The following NBEA variants were observed in gnomAD, a reference collection of about 807,000 sequenced individuals.
NBEA encodes the protein lysosomal-trafficking regulator 2.
In NBEA, 44 loss-of-function variants were observed where a neutral mutation model predicts 343.4. The ratio of observed to expected loss-of-function variants is 0.13; its 90% CI spans 0.10 to 0.16. The LOEUF is 0.16. NBEA is among the 10% of genes least tolerant of loss of function. The pLI is 1.00. For synonymous variants in NBEA, 1,175 were observed against 1,238.7 expected (o/e 0.95, Z 1.08); for missense variants, 2,555 against 3,631.3 (o/e 0.70, Z 7.62).
intron 38 of NBEA, among the ~76,000 whole-genome samples, chr13:35,408,847 C>A (rs987592658): frequency 6.6e-6 from 1 of 152,080 alleles, no homozygotes; most frequent in Non-Finnish European, 1.5e-5. Context: ...AAGTCAAAAA[C>A]AACAGATGCT....
At chr13:35,396,598 G>A (rs969141443) in intron 38 of NBEA, among the ~76,000 whole-genome samples, 26 of 152,000 alleles carry the variant, frequency 1.7e-4, no homozygotes, top group Non-Finnish European at 4.4e-5. Context: ...GTCACCTTGC[G>A]CCATTGCTAG....
chr13:35,182,554 A>C (rs760156091), intron 29 of NBEA, 26 bp downstream of exon 29: 1 of 1,576,492 alleles, frequency 6.3e-7, no homozygotes, highest in South Asian at 1.2e-5. Context: ...TAATTATTTG[A>C]ATTTTCACCA....
intron 31 of NBEA, among the ~76,000 whole-genome samples, chr13:35,204,656 A>T (rs1228786479): frequency 6.6e-6 from 1 of 152,088 alleles, no homozygotes; most frequent in East Asian, 1.9e-4. Context: ...CCACTGGAGT[A>T]GAGGATTCAA....
At chr13:35,186,433 T>A (rs1315864748) in intron 30 of NBEA, 1 of 152,194 alleles carries the variant, frequency 6.6e-6, no homozygotes, top group East Asian at 1.9e-4. Context: ...AATAGAAGAT[T>A]CACAGGTAGC....
chr13:35,005,099 C>T (rs1003252493), intron 1 of NBEA, among the ~76,000 whole-genome samples: 4 of 152,124 alleles, frequency 2.6e-5, no homozygotes, highest in Admixed American at 1.3e-4. Context: ...TTTGGGCAGA[C>T]GATTTCCCAT....
intron 13 of NBEA, among the ~76,000 whole-genome samples, chr13:35,111,713 T>C (rs1446455399): frequency 6.6e-6 from 1 of 152,106 alleles, no homozygotes; most frequent in African/African-American, 2.4e-5. Flanking sequence ...CATTTATATA[T>C]GTGTTTACCT....
intron 40 of NBEA, among the ~76,000 whole-genome samples, chr13:35,452,825 C>G (rs1016715396): frequency 6.6e-6 from 1 of 152,172 alleles, no homozygotes; most frequent in African/African-American, 2.4e-5. Flanking sequence ...AGTGTATTCA[C>G]CCACAACCTT....
chr13:34,987,957 A>T (rs1239248080), intron 1 of NBEA, among the ~76,000 whole-genome samples: 1 of 150,496 alleles, frequency 6.6e-6, no homozygotes, highest in Non-Finnish European at 1.5e-5. Context: ...TTTAGCTCGG[A>T]GATGTTTGTT....
chr13:35,547,442 T>C (rs544595224), intron 41 of NBEA, among the ~76,000 whole-genome samples: 18 of 152,296 alleles, frequency 1.2e-4, no homozygotes, highest in Middle Eastern at 3.4e-3. Context: ...AGAATGGTGA[T>C]AGGAAAACTG....
chr13:35,668,460 G>C lies in NBEA; in HGVS notation c.8754G>C (p.Leu2918=). 1 of 1,613,308 alleles carries C rather than the reference G, an allele frequency of 6.2e-7. No homozygotes were observed. The highest frequency in any genetic ancestry group is 8.5e-7 in the Non-Finnish European group (1 of 1,179,638). Residue 2918 remains leucine (L), a synonymous_variant, in exon 58 of 59, where the codon CTG becomes CTC. Transcript: ENST00000379939. ...GGCAGGCCTGTGACTTCAAGCAACT[G>C]TACATTTACCCTGGATGTGATGCTG... The part of the protein sequence containing the change: ...EVWQACDFKQ[L]YIYPGCDAGI...
chr13:35,632,807 T>G (rs1377794396), intron 49 of NBEA, among the ~76,000 whole-genome samples: 2 of 152,050 alleles, frequency 1.3e-5, no homozygotes, highest in Admixed American at 6.5e-5. Flanking sequence ...TTGGCCAGGA[T>G]GGTCTTGAAC....
rs946577768 is a variant in NBEA, at chr13:35,144,473, T to C, written c.2445+2096T>C. ...CTGGGTGCAGTTAGCCTTAGCTATC[T>C]TGGCTCTCATCCTGGCTTTTCAGGG... is the stretch of plus-strand genomic sequence containing the variant. On this transcript the variant is annotated intron_variant, in intron 18 of 58. Coordinates refer to ENST00000379939, the MANE Select transcript of NBEA (RefSeq NM_001385012.1). Among the ~76,000 whole-genome samples the C allele has an allele frequency of 6.6e-5, 10 of 152,216 alleles. No individual in the cohort carries two copies. In the South Asian group the frequency reaches 1.9e-3, roughly 28 times the overall value.
At chr13:35,205,121 G>A (rs2152748277) in intron 31 of NBEA, among the ~76,000 whole-genome samples, 1 of 152,290 alleles carries the variant, frequency 6.6e-6, no homozygotes, top group Non-Finnish European at 1.5e-5. Flanking sequence ...GAGATAAAAG[G>A]GAAGGGGTAA....
intron 41 of NBEA, among the ~76,000 whole-genome samples, chr13:35,503,373 A>G (rs2076960669): frequency 6.6e-6 from 1 of 151,942 alleles, no homozygotes; most frequent in African/African-American, 2.4e-5. Context: ...TATAGATCAT[A>G]GTATAAAGAT....
chr13:34,974,876 A>G (rs1038739249), intron 1 of NBEA, among the ~76,000 whole-genome samples: 2 of 152,156 alleles, frequency 1.3e-5, no homozygotes, highest in Admixed American at 1.3e-4. Context: ...TTCAATTGAA[A>G]TGTTTTTACT....
chr13:34,959,846 AAAC>A (rs1706989094), intron 1 of NBEA, among the ~76,000 whole-genome samples: 1 of 152,274 alleles, frequency 6.6e-6, no homozygotes, highest in African/African-American at 2.4e-5. Flanking sequence ...ATGGTGGTGT[AAAC>A]AAACCTATTG....
chr13:35,244,136 T>C lies in NBEA; in HGVS notation c.5776+11517T>C, dbSNP rs1593905308. On this transcript the variant is annotated intron_variant, in intron 34 of 58. Transcript: ENST00000379939. ...ACTAGAAATAAAAACTAGAAGGAAA[T>C]GTAGAAACTCCATAAACACTTAAAA... Among the ~76,000 whole-genome samples, 8 of 151,882 alleles carry C rather than the reference T, an allele frequency of 5.3e-5. No individual in the cohort carries two copies. The South Asian group carries it at 1.7e-3, about 32-fold the overall frequency.
intron 33 of NBEA, among the ~76,000 whole-genome samples, chr13:35,211,636 G>A (rs1422234664): frequency 6.6e-6 from 1 of 152,002 alleles, no homozygotes; most frequent in Non-Finnish European, 1.5e-5. Context: ...AAAACATGGT[G>A]AAACCTTGTC....
At chr13:35,194,871 T>A (rs912599956) in intron 30 of NBEA, among the ~76,000 whole-genome samples, 11 of 152,118 alleles carry the variant, frequency 7.2e-5, no homozygotes, top group African/African-American at 2.4e-4. Flanking sequence ...TGTAGTTATA[T>A]GCACATATAT....
Sources: allele counts gnomAD v4.1 joint callset (sites outside exome capture counted in the v4.1 genomes callset), GRCh38; gene constraint gnomAD v4.1.1; transcripts MANE v1.5; gene names NCBI Gene and HGNC (gene_info 2026-07-23, HGNC 2026-07-21).